ATRNL1: variants seen among roughly 807,000 people sequenced by gnomAD.
ATRNL1 encodes the protein attractin-like protein 1.
A neutral mutation model predicts 182.7 loss-of-function variants in ATRNL1; 95 were observed. The ratio of observed to expected loss-of-function variants is 0.52; its 90% CI spans 0.44 to 0.62. The LOEUF (loss-of-function observed/expected upper bound fraction) is 0.62. ATRNL1 is among the 20% of genes least tolerant of loss of function. The probability of loss-of-function intolerance (pLI) is 0.00; values close to 1 mark genes in which losing one functional copy is unlikely to be tolerated. For missense variants in ATRNL1, 1,471 were observed against 1,679.5 expected (o/e 0.88, Z 2.17); for synonymous variants, 576 against 568.3 (o/e 1.01, Z -0.19).
At chr10:115,660,460 A>G (rs1193288893) in intron 26 of ATRNL1, among the ~76,000 whole-genome samples, 1 of 152,038 alleles carries the variant, frequency 6.6e-6, no homozygotes, top group Non-Finnish European at 1.5e-5. Context: ...ACAGATGAGG[A>G]TTGGTAGTAT....
chr10:115,657,004 A>T (rs2133894076), intron 26 of ATRNL1, among the ~76,000 whole-genome samples: 1 of 152,320 alleles, frequency 6.6e-6, no homozygotes, highest in South Asian at 2.1e-4. Flanking sequence ...AATTAGAAAT[A>T]TACCAGAGGA....
chr10:115,313,555 CTTATTTAT>C (rs543717820), intron 17 of ATRNL1, among the ~76,000 whole-genome samples: 1 of 152,016 alleles, frequency 6.6e-6, no homozygotes, highest in Non-Finnish European at 1.5e-5. Flanking sequence ...GTGGCGTGTA[CTTATTTAT>C]TTATTTATTT....
intron 26 of ATRNL1, among the ~76,000 whole-genome samples, chr10:115,633,060 T>G (rs889056692): frequency 1.3e-5 from 2 of 151,692 alleles, no homozygotes; most frequent in Non-Finnish European, 2.9e-5. Flanking sequence ...ACCCGGGTAA[T>G]TTTTGTATTT....
At chr10:115,334,682 AAC>A (rs1232998643) in intron 19 of ATRNL1, among the ~76,000 whole-genome samples, 3 of 152,194 alleles carry the variant, frequency 2.0e-5, no homozygotes, top group Non-Finnish European at 4.4e-5. Context: ...TAAAAGAAAA[AAC>A]ACCTACTATC....
chr10:115,382,628 T>C (rs1858083978), intron 19 of ATRNL1, among the ~76,000 whole-genome samples: 2 of 151,816 alleles, frequency 1.3e-5, no homozygotes, highest in Non-Finnish European at 2.9e-5. Context: ...GATCATGTCA[T>C]ATGTGAGTCG....
intron 19 of ATRNL1, among the ~76,000 whole-genome samples, chr10:115,360,608 A>AC (rs1448123667): frequency 6.6e-6 from 1 of 151,520 alleles, no homozygotes; most frequent in Non-Finnish European, 1.5e-5. Flanking sequence ...AAGCAAAAAA[A>AC]AAATCCGATT....
At position 115,168,307 on chromosome 10, in the gene ATRNL1, C is replaced by G. The variant is rs1215919987; in HGVS notation, c.1092+2662C>G. On this transcript the variant is annotated intron_variant, in intron 7 of 28. Coordinates refer to ENST00000355044, the MANE Select transcript of ATRNL1 (RefSeq NM_207303.4). ...ACAACATTGCTGTTTAAGATTTTGTCTGGACATATGTTTTCATTTCTTTTG... is the reference window on the plus strand; with the variant it reads ...ACAACATTGCTGTTTAAGATTTTGTGTGGACATATGTTTTCATTTCTTTTG... Among the ~76,000 whole-genome samples the G allele has an allele frequency of 5.9e-5, 9 of 152,102 alleles. No individual in the cohort carries two copies. In the East Asian group the frequency reaches 1.4e-3, roughly 23 times the overall value.
At position 115,286,393 on chromosome 10, in the gene ATRNL1, A is replaced by T; in HGVS notation, c.2411A>T (p.Gln804Leu). 6.6e-7 allele frequency: 1 copy of T among 1,526,070 alleles called. No individual in the cohort carries two copies. Among genetic ancestry groups the T allele is most frequent in the Middle Eastern group, 2.1e-4 (1 of 4,784 alleles). The allele number at this position is 1,526,070 out of a possible 1,614,324, so 94.5% of individuals were successfully genotyped here. A position where few individuals can be genotyped will look rare whatever the true frequency, so the allele number is the denominator to read the frequency against. Residue 804 changes from glutamine to leucine, a missense_variant, in exon 15 of 29, where the codon CAA becomes CTA. Physicochemically the swap from Gln to Leu is moderately radical, Grantham distance 113. Transcript: ENST00000355044. ...CTGGATGAAATACAGAAGTATACAC[A>T]ACAGGTAACATTTCTACTTGTTTAC... ...FVLDEIQKYT[Q>L]QKVSPWVGLR...
chr10:115,591,745 G>A (rs1269025513), intron 26 of ATRNL1, among the ~76,000 whole-genome samples: 1 of 152,092 alleles, frequency 6.6e-6, no homozygotes, highest in East Asian at 1.9e-4. Context: ...ACTTATTTCA[G>A]CCACATGGAA....
At chr10:115,148,516 C>T (rs767768411) in intron 5 of ATRNL1, among the ~76,000 whole-genome samples, 57 of 152,004 alleles carry the variant, frequency 3.7e-4, no homozygotes, top group Non-Finnish European at 7.6e-4. Context: ...TGTCTTCCTC[C>T]AGTTCTTAGA....
rs1852488800 is a variant in ATRNL1 at position 115,283,895 on chromosome 10, T to G, written c.2234-2321T>G. Among the ~76,000 whole-genome samples the G allele has an allele frequency of 1.3e-5, 2 of 152,176 alleles. 1 individual carries two copies. Among genetic ancestry groups the G allele is most frequent in the Non-Finnish European group, 2.9e-5 (2 of 68,020 alleles). On this transcript the variant is annotated intron_variant, in intron 14 of 28. Coordinates refer to ENST00000355044, the MANE Select transcript of ATRNL1 (RefSeq NM_207303.4). ...GCTCCACTTGACCAGGCTATTATTT[T>G]GGAAATGTAATGAAATATATTATGC...
rs564205927 is a variant in ATRNL1 at position 115,356,077 on chromosome 10, T to G, written c.3175+21658T>G. On this transcript the variant is annotated intron_variant, in intron 19 of 28. Coordinates refer to ENST00000355044, the MANE Select transcript of ATRNL1 (RefSeq NM_207303.4). ...CACACACTAGGATGTGACCCAAACA[T>G]TCTCTGAGACTCAAGGGTAGTAAAA... is the stretch of plus-strand genomic sequence containing the variant. 9.2e-5 allele frequency among the ~76,000 whole-genome samples: 14 copies of G among 152,240 alleles called. No homozygotes were observed. The East Asian group carries it at 2.7e-3, about 29-fold the overall frequency.
At chr10:115,159,534 A>G (rs1420633997) in intron 5 of ATRNL1, among the ~76,000 whole-genome samples, 1 of 151,628 alleles carries the variant, frequency 6.6e-6, no homozygotes, top group African/African-American at 2.4e-5. Context: ...AAAAAATGTA[A>G]TCTTTTTTAT....
At chr10:115,745,002 C>T (rs1948249221) in intron 27 of ATRNL1, among the ~76,000 whole-genome samples, 1 of 152,132 alleles carries the variant, frequency 6.6e-6, no homozygotes. Flanking sequence ...ACAGTGACCA[C>T]ACCAATCAAG....
chr10:115,667,232 T>TA (rs1379343002), intron 26 of ATRNL1, among the ~76,000 whole-genome samples: 2 of 152,118 alleles, frequency 1.3e-5, no homozygotes, highest in African/African-American at 4.8e-5. Flanking sequence ...CACTCCCTTC[T>TA]AAAAAGGTCT....
At chr10:115,194,413 C>T (rs1487286605) in intron 8 of ATRNL1, among the ~76,000 whole-genome samples, 1 of 151,946 alleles carries the variant, frequency 6.6e-6, no homozygotes, top group African/African-American at 2.4e-5. Flanking sequence ...TATCATCTTG[C>T]TGAAGAGACT....
chr10:115,354,139 T>A (rs1856395490), intron 19 of ATRNL1, among the ~76,000 whole-genome samples: 2 of 152,298 alleles, frequency 1.3e-5, no homozygotes, highest in South Asian at 4.1e-4. Context: ...CATTATAATT[T>A]TTTTTTAGCT....
chr10:115,789,848 C>A (rs1949484486), intron 27 of ATRNL1, among the ~76,000 whole-genome samples: 1 of 152,046 alleles, frequency 6.6e-6, no homozygotes, highest in South Asian at 2.1e-4. Flanking sequence ...AGTTTAAATG[C>A]TCCAGTACAA....
chr10:115,816,245 T>C (rs1555088518), intron 27 of ATRNL1, among the ~76,000 whole-genome samples: 1 of 152,140 alleles, frequency 6.6e-6, no homozygotes, highest in Non-Finnish European at 1.5e-5. Flanking sequence ...TCTGCCACTT[T>C]GTTCTGCAAA....
Sources: gnomAD v4.1 joint callset for allele counts (sites outside exome capture counted in the v4.1 genomes callset) on GRCh38, gnomAD v4.1.1 for gene constraint, MANE v1.5 for transcripts, NCBI Gene and HGNC (gene_info 2026-07-23, HGNC 2026-07-21) for gene names.